BABAM2: variants seen among roughly 807,000 people sequenced by gnomAD.
BABAM2 encodes BRISC and BRCA1-A complex member 2.
A neutral mutation model predicts 54.7 loss-of-function variants in BABAM2; 31 were observed. The observed-to-expected ratio is 0.57, with a 90% CI of 0.43 to 0.77. The LOEUF (loss-of-function observed/expected upper bound fraction) is 0.77, where lower values mean the gene tolerates loss of function less well. Among genes scored for constraint, BABAM2 ranks in the 30% least tolerant of loss-of-function variants. The pLI is 0.00. For synonymous variants in BABAM2, 167 were observed against 162.9 expected, an observed-to-expected ratio of 1.03 and a Z score of -0.19; for missense variants, 364 against 455.8, an observed-to-expected ratio of 0.80 and a Z score of 1.83.
At position 28,294,444 on chromosome 2, in the gene BABAM2, A is replaced by G. The variant is rs143538821; in HGVS notation, c.935-3894A>G. ...GTTCAATTTTGATATAGCTGAAACT[A>G]TGAGCCCCAAATCCTTGGAATCTGG... On this transcript the variant is annotated intron_variant, in intron 10 of 11. Transcript: ENST00000379624. Among the ~76,000 whole-genome samples the G allele has an allele frequency of 5.3e-3, 808 of 152,220 alleles. 13 individuals carry two copies. The highest frequency in any genetic ancestry group is 0.049 in the South Asian group (234 of 4,820).
intron 10 of BABAM2, among the ~76,000 whole-genome samples, chr2:28,290,930 A>G (rs1481688989): frequency 1.3e-5 from 2 of 152,248 alleles, no homozygotes; most frequent in Non-Finnish European, 2.9e-5. Context: ...AACATATGCT[A>G]CAGTTATCAG....
rs183155580 is a variant in BABAM2, at chr2:27,971,149, T to C, written c.206-16844T>C. Among the ~76,000 whole-genome samples the C allele has an allele frequency of 6.6e-5, 10 of 152,256 alleles. No homozygotes were observed. The East Asian group carries it at 1.7e-3, about 26-fold the overall frequency. On this transcript the variant is annotated intron_variant, in intron 3 of 11. Transcript: ENST00000379624. ...ATTAGTGATCTGTGAAGTGACACTT[T>C]GGGACTGTATCCTGTTCTGAAAAAC...
chr2:27,992,970 A>G (rs1672884735), intron 4 of BABAM2, among the ~76,000 whole-genome samples: 1 of 152,162 alleles, frequency 6.6e-6, no homozygotes, highest in Non-Finnish European at 1.5e-5. Flanking sequence ...TGACATCCCT[A>G]TGCAAAATAG....
intron 3 of BABAM2, among the ~76,000 whole-genome samples, chr2:27,951,292 T>C (rs1450581897): frequency 6.6e-6 from 1 of 152,216 alleles, no homozygotes; most frequent in Admixed American, 6.5e-5. Context: ...AATTTCCAGC[T>C]AAGTGGTGTT....
chr2:28,130,605 T>C (rs996480670), intron 7 of BABAM2, among the ~76,000 whole-genome samples: 1 of 151,874 alleles, frequency 6.6e-6, no homozygotes, highest in African/African-American at 2.4e-5. Flanking sequence ...GGTGCCACCA[T>C]GCATGCCTAA....
In BABAM2 at chr2:28,187,662, A is replaced by ATTTTT. The variant is rs35839748; in HGVS notation, c.681-49521_681-49517dup. On this transcript the variant is annotated intron_variant, in intron 7 of 11. Transcript: ENST00000379624. Reference sequence around the variant, plus strand: ...CATTCTCCTAAAACAGAACTTTGGAATTTTTTTTTTTTTTTTTTTTTTTGA... The same window carrying ATTTTT: ...CATTCTCCTAAAACAGAACTTTGGAATTTTTTTTTTTTTTTTTTTTTTTTTTTTGA... Among the ~76,000 whole-genome samples, 417 of 99,106 alleles carry ATTTTT rather than the reference A, an allele frequency of 4.2e-3. 1 individual carries two copies. The highest frequency in any genetic ancestry group is 0.013 in the East Asian group (41 of 3,270). 65.0% of individuals were successfully genotyped at this position (99,106 alleles called of 152,430 possible). A position where few individuals can be genotyped will look rare whatever the true frequency, so the allele number is the denominator to read the frequency against.
rs76354888 is a variant in BABAM2, at chr2:28,214,544, G to A, written c.681-22658G>A. 5.9e-3 allele frequency among the ~76,000 whole-genome samples: 903 copies of A among 152,040 alleles called. 15 individuals carry two copies. Among genetic ancestry groups the A allele is most frequent in the African/African-American group, 0.021 (853 of 41,464 alleles). On this transcript the variant is annotated intron_variant, in intron 7 of 11. Transcript: ENST00000379624. Reference sequence around the variant, plus strand: ...ATCATGTCTTACACAAATAAGGGCCGTTTTATTTTTTCCTTTCTGATATAC... The same window carrying A: ...ATCATGTCTTACACAAATAAGGGCCATTTTATTTTTTCCTTTCTGATATAC...
rs188756062 is a variant in BABAM2, at chr2:28,043,392, G to A, written c.496-2333G>A. Among the ~76,000 whole-genome samples the A allele has an allele frequency of 3.3e-5, 5 of 152,244 alleles. No homozygotes were observed. In the East Asian group the frequency reaches 9.7e-4, roughly 30 times the overall value. On this transcript the variant is annotated intron_variant, in intron 5 of 11. Transcript: ENST00000379624. ...GATCCGCCTGCCTTGGCCTTGCAAAGTGCTGGTATTACAGGCATGAGCCAA... is the reference window on the plus strand; with the variant it reads ...GATCCGCCTGCCTTGGCCTTGCAAAATGCTGGTATTACAGGCATGAGCCAA...
chr2:28,000,384 T>A (rs1484459596), intron 4 of BABAM2, among the ~76,000 whole-genome samples: 1 of 152,146 alleles, frequency 6.6e-6, no homozygotes, highest in Non-Finnish European at 1.5e-5. Context: ...TTTTTTCATG[T>A]TTAGGCTATG....
chr2:28,016,408 A>C, intron 4 of BABAM2: 1 of 1,409,948 alleles, frequency 7.1e-7, no homozygotes. Context: ...TTGGCCCTGA[A>C]GACTGGATTG....
At chr2:27,920,320 GATGCCTTTGCAGATAAA>G (rs146024982) in intron 2 of BABAM2, among the ~76,000 whole-genome samples, 2,102 of 152,258 alleles carry the variant, frequency 0.014, 56 homozygotes, top group African/African-American at 0.048. Flanking sequence ...AACCAGTTCA[GATGCCTTTGCAGATAAA>G]ATGCTCATGT....
At chr2:28,286,221 T>C (rs1468269765) in intron 10 of BABAM2, among the ~76,000 whole-genome samples, 1 of 152,154 alleles carries the variant, frequency 6.6e-6, no homozygotes, top group East Asian at 1.9e-4. Context: ...CCCAAAGTGT[T>C]GGGATTACAG....
intron 7 of BABAM2, among the ~76,000 whole-genome samples, chr2:28,148,933 C>T (rs760924918): frequency 3.3e-5 from 5 of 152,176 alleles, no homozygotes; most frequent in Non-Finnish European, 5.9e-5. Context: ...TCTGTGTGGA[C>T]CCAGTATCAC....
At chr2:28,226,356 T>A (rs1157381282) in intron 7 of BABAM2, among the ~76,000 whole-genome samples, 2 of 152,358 alleles carry the variant, frequency 1.3e-5, no homozygotes, top group East Asian at 3.9e-4. Flanking sequence ...TGGCTTTTAA[T>A]GTTCATTTAG....
chr2:28,045,685 T>G (rs1042279196), intron 5 of BABAM2, 40 bp from the exon 6 acceptor site: 1 of 1,535,586 alleles, frequency 6.5e-7, no homozygotes, highest in Admixed American at 1.7e-5. Context: ...CATAATCTAT[T>G]TTTGATTTTA....
intron 7 of BABAM2, among the ~76,000 whole-genome samples, chr2:28,144,545 A>G (rs1276017798): frequency 6.6e-6 from 1 of 152,204 alleles, no homozygotes; most frequent in Non-Finnish European, 1.5e-5. Flanking sequence ...CAGAACATGC[A>G]TGGACTTGCT....
At chr2:28,148,060 T>C (rs1210172289) in intron 7 of BABAM2, among the ~76,000 whole-genome samples, 2 of 152,224 alleles carry the variant, frequency 1.3e-5, no homozygotes. Context: ...GAGAATCTTA[T>C]TTCAGTTCTT....
chr2:27,895,881 T>A (rs944169828), intron 2 of BABAM2, among the ~76,000 whole-genome samples: 1 of 152,232 alleles, frequency 6.6e-6, no homozygotes, highest in Admixed American at 6.5e-5. Flanking sequence ...TATGCCAGTA[T>A]GAATTTTTAG....
chr2:28,194,678 T>A (rs1314800193), intron 7 of BABAM2, among the ~76,000 whole-genome samples: 3 of 141,948 alleles, frequency 2.1e-5, no homozygotes, highest in Non-Finnish European at 4.5e-5. Context: ...GCCTCCTGGG[T>A]TCAAGTGATT....
Sources: allele counts gnomAD v4.1 joint callset (sites outside exome capture counted in the v4.1 genomes callset), GRCh38; gene constraint gnomAD v4.1.1; transcripts MANE v1.5; gene names NCBI Gene and HGNC (gene_info 2026-07-23, HGNC 2026-07-21).